The following YAF2 variants were observed in gnomAD, a reference collection of about 807,000 sequenced individuals.
YAF2 encodes YY1-associated factor 2.
Under a neutral mutation model 20.1 loss-of-function variants are expected in YAF2, and 7 were observed. That is an observed-to-expected ratio of 0.35 (90% CI 0.20 to 0.65). The LOEUF (loss-of-function observed/expected upper bound fraction) is 0.65. Ranked by LOEUF, YAF2 falls within the 30% of genes least tolerant of loss-of-function variation. The pLI is 0.69. For missense variants in YAF2, 151 were observed against 219.2 expected (o/e 0.69, Z 1.96); for synonymous variants, 74 against 76.0 (o/e 0.97, Z 0.14).
At chr12:42,164,940 G>A (rs532259775) in intron 2 of YAF2, among the ~76,000 whole-genome samples, 48 of 151,600 alleles carry the variant, frequency 3.2e-4, no homozygotes, top group Non-Finnish European at 4.7e-4. Flanking sequence ...GTAAAGGTAC[G>A]CGCCTGTAGG....
chr12:42,187,469 CT>C (rs912461024), intron 2 of YAF2, among the ~76,000 whole-genome samples: 83 of 147,190 alleles, frequency 5.6e-4, no homozygotes, highest in Middle Eastern at 7.0e-3. Flanking sequence ...AAGATGTAAT[CT>C]TTTTTTTTTT....
chr12:42,217,524 G>C (rs971251358), intron 2 of YAF2, among the ~76,000 whole-genome samples: 15 of 152,130 alleles, frequency 9.9e-5, no homozygotes, highest in Admixed American at 9.2e-4. Flanking sequence ...AGGGGCTTTT[G>C]CAGTTCATTT....
rs1026380824 is a variant in YAF2, at chr12:42,224,622, G to A, written c.152+12977C>T. 9.9e-5 allele frequency among the ~76,000 whole-genome samples: 15 copies of A among 151,982 alleles called. No individual in the cohort carries two copies. In the South Asian group the frequency reaches 2.1e-3, roughly 21 times the overall value. On this transcript the variant is annotated intron_variant, in intron 2 of 3. Coordinates refer to ENST00000534854, the MANE Select transcript of YAF2 (RefSeq NM_005748.6). ...AACTCCCAGTTATGAGTGAGAATAC[G>A]TGGTGTTTGGTTTTCTGATCCTGTG... is the stretch of plus-strand genomic sequence containing the variant.
chr12:42,225,535 C>A (rs1205016331), intron 2 of YAF2, among the ~76,000 whole-genome samples: 1 of 152,106 alleles, frequency 6.6e-6, no homozygotes, highest in East Asian at 1.9e-4. Context: ...GTCTTTAATC[C>A]ATCTTGAGTC....
chr12:42,198,569 C>G (rs116320655), intron 2 of YAF2, among the ~76,000 whole-genome samples: 1,599 of 152,200 alleles, frequency 0.011, 29 homozygotes, highest in African/African-American at 0.037. Context: ...CTGGGCAATA[C>G]AGCGAGACCC....
chr12:42,215,889 T>C (rs1265416695), intron 2 of YAF2, among the ~76,000 whole-genome samples: 1 of 152,012 alleles, frequency 6.6e-6, no homozygotes. Flanking sequence ...GCCACTGCAC[T>C]CCAGCAGCCT....
At chr12:42,210,620 C>T (rs1414763098) in intron 2 of YAF2, 1 of 1,536,046 alleles carries the variant, frequency 6.5e-7, no homozygotes, top group South Asian at 1.2e-5. Context: ...CAATGTGGAT[C>T]TGTGGAGATT....
chr12:42,175,772 T>TAAAAAAAAAAAAAAAAAAAAAA (rs1277338221), intron 2 of YAF2, among the ~76,000 whole-genome samples: 88 of 88,814 alleles, frequency 9.9e-4, no homozygotes, highest in Admixed American at 1.9e-3. Context: ...AAAAAAAAAT[T>TAAAAAAAAAAAAAAAAAAAAAA]AAAACAGGAA....
intron 2 of YAF2, among the ~76,000 whole-genome samples, chr12:42,176,859 C>T (rs564986814): frequency 6.6e-6 from 1 of 151,992 alleles, no homozygotes; most frequent in East Asian, 1.9e-4. Context: ...CCCAGCTACT[C>T]GGGAGGCTAA....
chr12:42,161,080 G>A, intron 3 of YAF2: 1 of 433,934 alleles, frequency 2.3e-6, no homozygotes, highest in South Asian at 3.6e-5. Flanking sequence ...TTCTATAGCT[G>A]TATCATAATT....
intron 2 of YAF2, among the ~76,000 whole-genome samples, chr12:42,197,685 CA>C (rs1347161422): frequency 2.6e-5 from 4 of 152,120 alleles, no homozygotes; most frequent in Non-Finnish European, 4.4e-5. Flanking sequence ...CAATAATCAA[CA>C]TAAGAAAACA....
intron 2 of YAF2, among the ~76,000 whole-genome samples, chr12:42,178,958 C>T (rs1009685056): frequency 1.3e-5 from 2 of 152,024 alleles, no homozygotes; most frequent in African/African-American, 4.8e-5. Context: ...AAGGCTGAGG[C>T]GGGAGGACAG....
At chr12:42,194,241 G>A (rs2066690701) in intron 2 of YAF2, among the ~76,000 whole-genome samples, 1 of 152,088 alleles carries the variant, frequency 6.6e-6, no homozygotes, top group Non-Finnish European at 1.5e-5. Context: ...AATCTACAGT[G>A]GCATACAGTA....
At chr12:42,200,540 ATAAGCACATACC>A (rs1489235405) in intron 2 of YAF2, among the ~76,000 whole-genome samples, 1 of 152,220 alleles carries the variant, frequency 6.6e-6, no homozygotes, top group Non-Finnish European at 1.5e-5. Flanking sequence ...TTTTGCAAAA[ATAAGCACATACC>A]TATATTCCAT....
intron 2 of YAF2, among the ~76,000 whole-genome samples, chr12:42,226,749 G>C (rs2067713076): frequency 6.6e-6 from 1 of 152,228 alleles, no homozygotes; most frequent in Non-Finnish European, 1.5e-5. Flanking sequence ...TACAAACATA[G>C]TGTTCAAAAT....
In YAF2 at chr12:42,199,280, T is replaced by C. The variant is rs754045464; in HGVS notation, c.153-37515A>G. 6.4e-6 allele frequency: 7 copies of C among 1,099,720 alleles called. No homozygotes were observed. In the South Asian group the frequency reaches 9.7e-5, roughly 15 times the overall value. 68.1% of individuals were successfully genotyped at this position (1,099,720 alleles called of 1,614,324 possible). On this transcript the variant is annotated intron_variant, in intron 2 of 3. Coordinates refer to ENST00000534854, the MANE Select transcript of YAF2 (RefSeq NM_005748.6). ...GTAAGAAAGAAACACTATGTACACA[T>C]GGAACAGAATTTGACCAATAGTTTA... is the stretch of plus-strand genomic sequence containing the variant.
intron 2 of YAF2, among the ~76,000 whole-genome samples, chr12:42,206,154 G>C (rs992291831): frequency 6.6e-6 from 1 of 151,762 alleles, no homozygotes; most frequent in Non-Finnish European, 1.5e-5. Context: ...CTTTAGCTGT[G>C]TCATATCTTC....
chr12:42,202,986 C>G (rs943986121), intron 2 of YAF2, among the ~76,000 whole-genome samples: 1 of 151,914 alleles, frequency 6.6e-6, no homozygotes, highest in Admixed American at 6.6e-5. Context: ...AGAGCAAGTT[C>G]CTCCTCATTC....
chr12:42,237,805 C>T lies in YAF2; in HGVS notation c.27-81G>A, dbSNP rs1285794519. 4.7e-6 allele frequency: 5 copies of T among 1,057,818 alleles called. No individual in the cohort carries two copies. The African/African-American group carries it at 8.7e-5, about 18-fold the overall frequency. The allele number at this position is 1,057,818 out of a possible 1,614,324, so 65.5% of individuals were successfully genotyped here. On this transcript the variant is annotated intron_variant, in intron 1 of 3. Transcript: ENST00000534854. ...GGTGCCCGGGCCCCGCGGCCGCCCC[C>T]GCCCCGCCCCCCGCCCCAATTCTGC... is the stretch of plus-strand genomic sequence containing the variant.
Sources: allele counts gnomAD v4.1 joint callset (sites outside exome capture counted in the v4.1 genomes callset), GRCh38; gene constraint gnomAD v4.1.1; transcripts MANE v1.5; gene names NCBI Gene and HGNC (gene_info 2026-07-23, HGNC 2026-07-21).